Variants in SGIP1 observed in about 807,000 individuals in gnomAD.
The protein encoded by SGIP1 is SH3GL interacting endocytic adaptor 1.
SGIP1 carries 38 observed loss-of-function variants against 107.5 expected under a neutral mutation model. The ratio of observed to expected loss-of-function variants is 0.35; its 90% confidence interval spans 0.27 to 0.46. SGIP1 has a LOEUF of 0.46. Ranked by LOEUF, SGIP1 falls within the 20% of genes least tolerant of loss-of-function variation. SGIP1 has a pLI of 1.00. For missense variants in SGIP1, 929 were observed against 1,019.5 expected (o/e 0.91, Z 1.21); for synonymous variants, 365 against 366.1 (o/e 1.00, Z 0.03).
chr1:66,596,581 A>G (rs574815787), intron 1 of SGIP1, among the ~76,000 whole-genome samples: 10 of 151,876 alleles, frequency 6.6e-5, no homozygotes, highest in African/African-American at 2.4e-4. Context: ...TAAGTTCTCA[A>G]TCTGGTCCAA....
intron 7 of SGIP1, among the ~76,000 whole-genome samples, chr1:66,650,003 T>C (rs1211537606): frequency 6.6e-6 from 1 of 152,176 alleles, no homozygotes; most frequent in Non-Finnish European, 1.5e-5. Flanking sequence ...AATGATTTAA[T>C]GTATGTAAAG....
At chr1:66,641,330 A>G (rs943615876) in intron 5 of SGIP1, among the ~76,000 whole-genome samples, 7 of 152,160 alleles carry the variant, frequency 4.6e-5, no homozygotes, top group Admixed American at 2.6e-4. Context: ...AATAAAAAAG[A>G]TTTTTTTAAT....
At chr1:66,580,411 G>C (rs1372405824) in intron 1 of SGIP1, among the ~76,000 whole-genome samples, 1 of 152,114 alleles carries the variant, frequency 6.6e-6, no homozygotes. Flanking sequence ...TCTCTACTCA[G>C]ATATCACCTA....
chr1:66,643,665 T>C lies in SGIP1; in HGVS notation c.405T>C (p.Thr135=). 1 of 1,612,424 alleles carries C rather than the reference T, an allele frequency of 6.2e-7. No individual in the cohort carries two copies. Among genetic ancestry groups the C allele is most frequent in the Non-Finnish European group, 8.5e-7 (1 of 1,179,432 alleles). ...QSKDILKNAA[T]VDELKASIGN... ...AAGACATTCTTAAGAATGCTGCAAC[T>C]GTAGATGAATTGAAGGCATCAATAG... The change falls in exon 7 of 25, where the codon ACT becomes ACC. Residue 135 remains threonine, a synonymous_variant. Coordinates refer to ENST00000371037, the MANE Select transcript of SGIP1 (RefSeq NM_032291.4).
intron 21 of SGIP1, 98 bp from the exon 22 acceptor site, chr1:66,739,237 G>C: frequency 1.5e-6 from 2 of 1,347,774 alleles, no homozygotes; most frequent in Non-Finnish European, 2.0e-6. Flanking sequence ...CTCACTCACG[G>C]TTGCTTGTGA....
chr1:66,588,968 T>G (rs1287703842), intron 1 of SGIP1, among the ~76,000 whole-genome samples: 1 of 149,466 alleles, frequency 6.7e-6, no homozygotes, highest in Non-Finnish European at 1.5e-5. Flanking sequence ...AGAAAAAAAA[T>G]TCTCTACTGA....
At position 66,745,959 on chromosome 1, in the gene SGIP1, AAAATGG is replaced by A. The variant is rs1219057438; in HGVS notation, c.*2869_*2874del. On this transcript the variant is annotated 3_prime_UTR_variant, in exon 25 of 25. Transcript: ENST00000371037. The stretch of plus-strand genomic sequence containing the variant: ...TGTGTTCTTCTCTACACCCACAGCC[AAAATGG>A]AAATTCACTGTATGGTATTTGGGAA... 6.6e-6 allele frequency: 1 copy of A among 152,172 alleles called. No homozygotes were observed. Among genetic ancestry groups the A allele is most frequent in the Non-Finnish European group, 1.5e-5 (1 of 67,982 alleles). 9.4% of individuals were successfully genotyped at this position (152,172 alleles called of 1,614,324 possible).
chr1:66,676,992 T>C lies in SGIP1; in HGVS notation c.647-12T>C, dbSNP rs11208943. The stretch of plus-strand genomic sequence containing the variant: ...TTAACTCACCCTGGGAAATCTTCTT[T>C]TTTGTTTCCAGTTCTTTTAGATCAG... On this transcript the variant is annotated splice_polypyrimidine_tract_variant and intron_variant, in intron 12 of 24. Transcript: ENST00000371037. 0.15 allele frequency: 246,720 copies of C among 1,595,058 alleles called. 20,034 individuals carry two copies. Among genetic ancestry groups the C allele is most frequent in the Admixed American group, 0.2 (10,726 of 54,910 alleles).
Position 66,673,376 on chromosome 1 carries a change from G to T in SGIP1, c.646+10G>T, listed in dbSNP as rs2084328592. 6.3e-7 allele frequency: 1 copy of T among 1,589,396 alleles called. No individual in the cohort carries two copies. Among genetic ancestry groups the T allele is most frequent in the Non-Finnish European group, 8.5e-7 (1 of 1,172,882 alleles). On this transcript the variant is annotated intron_variant, in intron 12 of 24. Coordinates refer to ENST00000371037, the MANE Select transcript of SGIP1 (RefSeq NM_032291.4). The stretch of plus-strand genomic sequence containing the variant: ...GAACAGAAGACAGAAGGTAGGAAAA[G>T]AAACTCCATATATTATAGATTTGTT...
rs1215087998 is a variant in SGIP1, at chr1:66,746,616, T to A, written c.*3521T>A. The A allele has an allele frequency of 6.6e-6, 1 of 152,088 alleles. No individual in the cohort carries two copies. Among genetic ancestry groups the A allele is most frequent in the Non-Finnish European group, 1.5e-5 (1 of 67,946 alleles). The allele number at this position is 152,088 out of a possible 1,614,324, so 9.4% of individuals were successfully genotyped here. A position where few individuals can be genotyped will look rare whatever the true frequency, so the allele number is the denominator to read the frequency against. On this transcript the variant is annotated 3_prime_UTR_variant, in exon 25 of 25. Transcript: ENST00000371037. ...TTAGCTCATTTAATTCTCTTATCAA[T>A]CAAAAAATTGTAAGTACTCTTTTTA...
At chr1:66,641,081 G>A (rs1305361644) in intron 5 of SGIP1, among the ~76,000 whole-genome samples, 1 of 151,988 alleles carries the variant, frequency 6.6e-6, no homozygotes, top group Non-Finnish European at 1.5e-5. Flanking sequence ...AAAGTAGTCA[G>A]CAGGGATAGA....
intron 7 of SGIP1, among the ~76,000 whole-genome samples, chr1:66,653,462 A>C (rs2079128120): frequency 6.6e-6 from 1 of 152,088 alleles, no homozygotes. Flanking sequence ...TTCTCCAATT[A>C]ATGTTGGTTG....
intron 1 of SGIP1, among the ~76,000 whole-genome samples, chr1:66,614,696 G>A (rs2149199981): frequency 6.6e-6 from 1 of 151,828 alleles, no homozygotes; most frequent in South Asian, 2.1e-4. Flanking sequence ...AATAGCCTGT[G>A]GTGTATAGAA....
At chr1:66,641,719 ATT>A in intron 5 of SGIP1, among the ~76,000 whole-genome samples, 1 of 152,278 alleles carries the variant, frequency 6.6e-6, no homozygotes, top group South Asian at 2.1e-4. Flanking sequence ...AAATATGATC[ATT>A]CTAATCCCAA....
intron 3 of SGIP1, among the ~76,000 whole-genome samples, chr1:66,635,267 G>A (rs144677220): frequency 2.0e-5 from 3 of 152,358 alleles, no homozygotes; most frequent in Non-Finnish European, 4.4e-5. Flanking sequence ...CCCACTGGCT[G>A]AATGTACCCA....
At chr1:66,742,521 G>C (rs2094487108) in intron 24 of SGIP1, among the ~76,000 whole-genome samples, 2 of 105,376 alleles carry the variant, frequency 1.9e-5, no homozygotes, top group Non-Finnish European at 3.7e-5. Context: ...CCAGGCTGGA[G>C]TGCAGTGGCG....
chr1:66,651,478 T>C (rs1180742177), intron 7 of SGIP1, among the ~76,000 whole-genome samples: 1 of 150,222 alleles, frequency 6.7e-6, no homozygotes, highest in Admixed American at 6.7e-5. Flanking sequence ...ATGAAAGCCA[T>C]TGACTCTCTT....
chr1:66,647,870 C>T (rs1002072439), intron 7 of SGIP1, among the ~76,000 whole-genome samples: 5 of 152,114 alleles, frequency 3.3e-5, no homozygotes, highest in African/African-American at 1.2e-4. Flanking sequence ...TGTAGTTGTA[C>T]TCTTTAAAGG....
At chr1:66,694,200 A>G (rs2090422192) in intron 17 of SGIP1, among the ~76,000 whole-genome samples, 1 of 138,680 alleles carries the variant, frequency 7.2e-6, no homozygotes, top group Non-Finnish European at 1.5e-5. Context: ...ACAAATTCAC[A>G]GATGCTAAAC....
Sources: gnomAD v4.1 joint callset for allele counts (sites outside exome capture counted in the v4.1 genomes callset) on GRCh38, gnomAD v4.1.1 for gene constraint, MANE v1.5 for transcripts, NCBI Gene and HGNC (gene_info 2026-07-23, HGNC 2026-07-21) for gene names.